AFAP1: variants seen among roughly 807,000 people sequenced by gnomAD.
The protein encoded by AFAP1 is actin filament associated protein 1.
In AFAP1, 75 loss-of-function variants were observed where a neutral mutation model predicts 93.9. The observed-to-expected ratio is 0.80, with a 90% CI of 0.66 to 0.97. The LOEUF (loss-of-function observed/expected upper bound fraction) is 0.97. Ranked by LOEUF, AFAP1 falls within the 50% of genes least tolerant of loss-of-function variation. The probability of loss-of-function intolerance (pLI) is 0.00; values close to 1 mark genes in which losing one functional copy is unlikely to be tolerated. For synonymous variants in AFAP1, 517 were observed against 430.7 expected (o/e 1.20, Z -2.48); for missense variants, 1,201 against 1,050.8 (o/e 1.14, Z -1.98).
At chr4:7,826,536 G>C (rs946564990) in intron 6 of AFAP1, among the ~76,000 whole-genome samples, 1 of 152,260 alleles carries the variant, frequency 6.6e-6, no homozygotes, top group Admixed American at 6.5e-5. Context: ...AAAGCTGGCC[G>C]GTAGGCCAAA....
chr4:7,913,498 GA>G (rs1719893376), intron 1 of AFAP1, among the ~76,000 whole-genome samples: 1 of 151,852 alleles, frequency 6.6e-6, no homozygotes, highest in Non-Finnish European at 1.5e-5. Context: ...TGTCCAGCTT[GA>G]AAGTTTGAAA....
chr4:7,758,832 A>G lies in AFAP1; in HGVS notation c.*4933T>C, dbSNP rs1012258326. The G allele has an allele frequency of 2.0e-5, 3 of 152,256 alleles. No individual in the cohort carries two copies. Among genetic ancestry groups the G allele is most frequent in the Admixed American group, 2.0e-4 (3 of 15,288 alleles). The allele number at this position is 152,256 out of a possible 1,614,324, so 9.4% of individuals were successfully genotyped here. A position where few individuals can be genotyped will look rare whatever the true frequency, so the allele number is the denominator to read the frequency against. On this transcript the variant is annotated 3_prime_UTR_variant, in exon 18 of 18. Coordinates refer to ENST00000420658, the MANE Select transcript of AFAP1 (RefSeq NM_001134647.2). ...AAGCAGGAAATTCAGTGAAGCTACT[A>G]CAAAGTGGGGCGAGTGGACTGAAAA... is the stretch of plus-strand genomic sequence containing the variant.
chr4:7,838,833 T>TTC, intron 5 of AFAP1, 130 bp from the exon 6 acceptor site: 1 of 841,682 alleles, frequency 1.2e-6, no homozygotes, highest in Non-Finnish European at 1.9e-6. Context: ...GATGAGCAGG[T>TTC]TCACACACAC....
intron 6 of AFAP1, among the ~76,000 whole-genome samples, chr4:7,835,984 A>G (rs1560188942): frequency 6.6e-6 from 1 of 152,198 alleles, no homozygotes; most frequent in Non-Finnish European, 1.5e-5. Flanking sequence ...GCAAGGGAAA[A>G]TGCTCCTTGG....
At chr4:7,870,121 C>G (rs758070529) in intron 2 of AFAP1, among the ~76,000 whole-genome samples, 1 of 152,206 alleles carries the variant, frequency 6.6e-6, no homozygotes, top group East Asian at 1.9e-4. Context: ...GTCAATACTA[C>G]CATTAGCCCT....
Position 7,933,019 on chromosome 4 carries a change from C to CAAA in AFAP1, c.-3+6634_-3+6636dup, listed in dbSNP as rs11369145. Among the ~76,000 whole-genome samples, 94 of 50,730 alleles carry CAAA rather than the reference C, an allele frequency of 1.9e-3. 2 individuals are homozygous for CAAA. Among genetic ancestry groups the CAAA allele is most frequent in the African/African-American group, 4.0e-3 (44 of 11,024 alleles). 33.3% of individuals were successfully genotyped at this position (50,730 alleles called of 152,430 possible). A position where few individuals can be genotyped will look rare whatever the true frequency, so the allele number is the denominator to read the frequency against. ...TGGGCAACAGAGTGAGACTCCCTCT[C>CAAA]AAAAAAAAAAAAAAAAAAAAAGGGG... On this transcript the variant is annotated intron_variant, in intron 1 of 17. Coordinates refer to ENST00000420658, the MANE Select transcript of AFAP1 (RefSeq NM_001134647.2).
At chr4:7,853,488 G>T (rs1362152306) in intron 4 of AFAP1, among the ~76,000 whole-genome samples, 3 of 152,220 alleles carry the variant, frequency 2.0e-5, no homozygotes, top group African/African-American at 7.2e-5. Context: ...AGAGACGCAG[G>T]CTCCCGTCTG....
intron 6 of AFAP1, among the ~76,000 whole-genome samples, chr4:7,826,713 G>C (rs1721452986): frequency 6.6e-6 from 1 of 152,208 alleles, no homozygotes; most frequent in Admixed American, 6.5e-5. Context: ...AGGGGAGTGA[G>C]AGTGAGGCAA....
intron 12 of AFAP1, among the ~76,000 whole-genome samples, chr4:7,784,432 T>C (rs1717074279): frequency 6.6e-6 from 1 of 152,148 alleles, no homozygotes; most frequent in African/African-American, 2.4e-5. Flanking sequence ...TCAAAGGCCC[T>C]TTCAGGACAA....
chr4:7,806,511 C>T (rs1035171001), intron 9 of AFAP1, among the ~76,000 whole-genome samples: 4 of 152,182 alleles, frequency 2.6e-5, no homozygotes, highest in African/African-American at 7.2e-5. Flanking sequence ...ACTGCACTTC[C>T]GGCCAGTCCA....
chr4:7,811,958 A>G, intron 8 of AFAP1, among the ~76,000 whole-genome samples: 1 of 76,782 alleles, frequency 1.3e-5, no homozygotes, highest in African/African-American at 5.2e-5. Flanking sequence ...CCCTCCTTCC[A>G]CTCTCCCAAC....
intron 13 of AFAP1, 39 bp from the exon 14 acceptor site, chr4:7,778,915 C>T (rs774840801): frequency 2.1e-6 from 3 of 1,412,436 alleles, no homozygotes; most frequent in Admixed American, 2.1e-5. Context: ...AAAATAAACA[C>T]AAAGTCAAAC....
At chr4:7,917,350 G>C (rs1350035788) in intron 1 of AFAP1, among the ~76,000 whole-genome samples, 1 of 152,144 alleles carries the variant, frequency 6.6e-6, no homozygotes. Context: ...TTTTTACAAA[G>C]TGTACATATA....
At chr4:7,933,303 G>A (rs932668887) in intron 1 of AFAP1, among the ~76,000 whole-genome samples, 4 of 151,870 alleles carry the variant, frequency 2.6e-5, no homozygotes, top group Non-Finnish European at 5.9e-5. Flanking sequence ...GGCCGAGCAC[G>A]GTGGCTCACG....
intron 2 of AFAP1, among the ~76,000 whole-genome samples, chr4:7,868,999 GAA>G (rs1374059683): frequency 8.8e-6 from 1 of 113,838 alleles, no homozygotes; most frequent in Non-Finnish European, 1.9e-5. Flanking sequence ...AAAGAAAAGA[GAA>G]AGAGAAAGGG....
chr4:7,812,519 G>A (rs1034253685), intron 8 of AFAP1, among the ~76,000 whole-genome samples: 4 of 152,124 alleles, frequency 2.6e-5, no homozygotes, highest in African/African-American at 4.8e-5. Context: ...GAAAACCATC[G>A]AGAACAACTT....
At chr4:7,895,318 T>C (rs1008094092) in intron 1 of AFAP1, among the ~76,000 whole-genome samples, 2 of 152,220 alleles carry the variant, frequency 1.3e-5, no homozygotes, top group African/African-American at 4.8e-5. Flanking sequence ...AATTTAAATT[T>C]AGCACAGTCC....
chr4:7,812,734 T>C (rs1031106906), intron 8 of AFAP1, among the ~76,000 whole-genome samples: 2 of 152,200 alleles, frequency 1.3e-5, no homozygotes, highest in Middle Eastern at 3.4e-3. Flanking sequence ...AAACCATGAG[T>C]ATCATAAACC....
rs115691657 is a variant in AFAP1, at chr4:7,879,760, G to A, written c.-2-7680C>T. Among the ~76,000 whole-genome samples, 874 of 144,140 alleles carry A rather than the reference G, an allele frequency of 6.1e-3. 6 individuals are homozygous for A. Among genetic ancestry groups the A allele is most frequent in the African/African-American group, 0.02 (761 of 38,460 alleles). The allele number at this position is 144,140 out of a possible 152,430, so 94.6% of individuals were successfully genotyped here. On this transcript the variant is annotated intron_variant, in intron 1 of 17. Coordinates refer to ENST00000420658, the MANE Select transcript of AFAP1 (RefSeq NM_001134647.2). ...TCTGTTGCCCAGGCTGGAGTGCAGT[G>A]ATGCGATCACATATCACACCTCACA...
Sources: allele counts gnomAD v4.1 joint callset (sites outside exome capture counted in the v4.1 genomes callset), GRCh38; gene constraint gnomAD v4.1.1; transcripts MANE v1.5; gene names NCBI Gene and HGNC (gene_info 2026-07-23, HGNC 2026-07-21).